Variants in MMP16 observed in about 807,000 individuals in gnomAD.
MMP16 encodes matrix metallopeptidase 16.
MMP16 carries 12 observed loss-of-function variants against 67.8 expected under a neutral mutation model. That is an observed-to-expected ratio of 0.18 (90% CI 0.11 to 0.29). The LOEUF (loss-of-function observed/expected upper bound fraction) is 0.29. Ranked by LOEUF, MMP16 falls within the 10% of genes least tolerant of loss-of-function variation. The pLI is 1.00. For synonymous variants in MMP16, 249 were observed against 255.9 expected (o/e 0.97, Z 0.26); for missense variants, 475 against 765.7 (o/e 0.62, Z 4.48).
intron 6 of MMP16, among the ~76,000 whole-genome samples, chr8:88,088,089 T>TAATAGATATCTATATATC (rs1554577144): frequency 0.074 from 10,312 of 140,238 alleles, 577 homozygotes; most frequent in Non-Finnish European, 0.11. Context: ...TATCTATATA[T>TAATAGATATCTATATATC]AATAGATATC....
intron 1 of MMP16, among the ~76,000 whole-genome samples, chr8:88,307,717 C>T (rs964030303): frequency 6.6e-6 from 1 of 151,816 alleles, no homozygotes; most frequent in African/African-American, 2.4e-5. Context: ...AACAACTAGA[C>T]ACTACAATTG....
chr8:88,183,660 G>C (rs11986591), intron 3 of MMP16, among the ~76,000 whole-genome samples: 69,206 of 149,054 alleles, frequency 0.46, 17,370 homozygotes, highest in Non-Finnish European at 0.58. Context: ...TATAACGAAA[G>C]TGTAGTATTT....
intron 1 of MMP16, among the ~76,000 whole-genome samples, chr8:88,324,344 A>G (rs1811506170): frequency 6.6e-6 from 1 of 152,190 alleles, no homozygotes; most frequent in Non-Finnish European, 1.5e-5. Flanking sequence ...GAAAGAGTTA[A>G]CATGAATACC....
At chr8:88,264,853 C>T (rs1193704142) in intron 1 of MMP16, among the ~76,000 whole-genome samples, 1 of 152,150 alleles carries the variant, frequency 6.6e-6, no homozygotes, top group Admixed American at 6.5e-5. Flanking sequence ...AAAATCGTGC[C>T]CTAACCTCAG....
intron 4 of MMP16, among the ~76,000 whole-genome samples, chr8:88,141,286 T>C (rs1288495783): frequency 1.3e-5 from 2 of 152,196 alleles, no homozygotes. Context: ...AAATAGCTAG[T>C]GAAAATTCAC....
At chr8:88,113,615 A>T (rs937955600) in intron 6 of MMP16, among the ~76,000 whole-genome samples, 1 of 151,908 alleles carries the variant, frequency 6.6e-6, no homozygotes, top group African/African-American at 2.4e-5. Context: ...AAGTAAAGGC[A>T]GTCTAGACTA....
In MMP16 at chr8:88,058,486, G is replaced by C. The variant is rs1563519718; in HGVS notation, c.1223-2208C>G. 6.6e-6 allele frequency among the ~76,000 whole-genome samples: 1 copy of C among 152,094 alleles called. No homozygotes were observed. Among genetic ancestry groups the C allele is most frequent in the Non-Finnish European group, 1.5e-5 (1 of 68,000 alleles). ...ATGAAGCTTAGATATCAGTGAGTGA[G>C]TATGAATCAAACAGATGAATAAATT... On this transcript the variant is annotated intron_variant, in intron 7 of 9. Transcript: ENST00000286614. This position sits in a 1 kb window ranked among gnomAD's most constrained non-coding sequence, Gnocchi z 4.2.
In MMP16 at chr8:88,273,511, C is replaced by T. The variant is rs187243376; in HGVS notation, c.132+53564G>A. Among the ~76,000 whole-genome samples the T allele has an allele frequency of 2.6e-4, 39 of 152,236 alleles. 1 individual carries two copies. Among genetic ancestry groups the T allele is most frequent in the East Asian group, 1.9e-4 (1 of 5,170 alleles). On this transcript the variant is annotated intron_variant, in intron 1 of 9. Coordinates refer to ENST00000286614, the MANE Select transcript of MMP16 (RefSeq NM_005941.5). ...GATATATCATATATCAATTCTGACA[C>T]AGAATAGCACTACTGTATATTCTAG...
At chr8:88,314,431 T>G (rs968726419) in intron 1 of MMP16, among the ~76,000 whole-genome samples, 5 of 152,208 alleles carry the variant, frequency 3.3e-5, no homozygotes, top group Non-Finnish European at 5.9e-5. Context: ...ATGCTAGACA[T>G]TATGAATTTT....
chr8:88,274,897 A>T (rs1290038341), intron 1 of MMP16, among the ~76,000 whole-genome samples: 1 of 152,030 alleles, frequency 6.6e-6, no homozygotes, highest in Non-Finnish European at 1.5e-5. Flanking sequence ...CCGATGTATC[A>T]CCAAAGTTTT....
intron 4 of MMP16, among the ~76,000 whole-genome samples, chr8:88,164,813 G>A (rs1341477111): frequency 2.0e-5 from 3 of 151,556 alleles, no homozygotes; most frequent in Non-Finnish European, 2.9e-5. Context: ...AACATAATCC[G>A]GAAGTAGACT....
At chr8:88,215,789 AT>A (rs1203598602) in intron 1 of MMP16, among the ~76,000 whole-genome samples, 1 of 151,928 alleles carries the variant, frequency 6.6e-6, no homozygotes, top group Non-Finnish European at 1.5e-5. Context: ...TCATACTGAA[AT>A]TTTTTTTGAC....
intron 3 of MMP16, among the ~76,000 whole-genome samples, chr8:88,186,043 A>G (rs775167673): frequency 1.3e-5 from 2 of 152,224 alleles, no homozygotes; most frequent in Non-Finnish European, 2.9e-5. Flanking sequence ...AGACAAAACC[A>G]CTTGCATAAT....
chr8:88,109,777 T>C (rs545810487), intron 6 of MMP16, among the ~76,000 whole-genome samples: 4 of 151,208 alleles, frequency 2.6e-5, no homozygotes, highest in Admixed American at 6.6e-5. Flanking sequence ...AATGTCAATA[T>C]AAAAAAGATA....
intron 1 of MMP16, among the ~76,000 whole-genome samples, chr8:88,242,831 T>C (rs1810054260): frequency 6.6e-6 from 1 of 152,194 alleles, no homozygotes; most frequent in African/African-American, 2.4e-5. Flanking sequence ...GGCTGGTTAG[T>C]AGATAGACAG....
intron 6 of MMP16, among the ~76,000 whole-genome samples, chr8:88,097,699 C>G (rs1011026632): frequency 6.7e-6 from 1 of 149,798 alleles, no homozygotes; most frequent in African/African-American, 2.5e-5. Flanking sequence ...TCCCCATCAA[C>G]CCAGCCTTCC....
chr8:88,183,449 G>A (rs1248318913), intron 3 of MMP16, among the ~76,000 whole-genome samples: 1 of 152,130 alleles, frequency 6.6e-6, no homozygotes, highest in African/African-American at 2.4e-5. Context: ...ACAATCATCA[G>A]AATTTCTTCT....
At chr8:88,167,015 C>T (rs1808725696) in intron 4 of MMP16, among the ~76,000 whole-genome samples, 1 of 152,054 alleles carries the variant, frequency 6.6e-6, no homozygotes, top group African/African-American at 2.4e-5. Flanking sequence ...AGTTAGAGAC[C>T]AGCCTGACCA....
chr8:88,255,465 A>C (rs1413255950), intron 1 of MMP16, among the ~76,000 whole-genome samples: 1 of 152,148 alleles, frequency 6.6e-6, no homozygotes, highest in African/African-American at 2.4e-5. Flanking sequence ...AGACTAACAC[A>C]CATACAAACT....
Sources: allele counts gnomAD v4.1 joint callset (sites outside exome capture counted in the v4.1 genomes callset), GRCh38; gene constraint gnomAD v4.1.1; non-coding constraint Gnocchi (gnomAD v3.1); transcripts MANE v1.5; gene names NCBI Gene and HGNC (gene_info 2026-07-23, HGNC 2026-07-21).